WIPF1: variants seen among roughly 807,000 people sequenced by gnomAD.
The protein encoded by WIPF1 is WAS/WASL interacting protein family member 1.
Under a neutral mutation model 35.4 loss-of-function variants are expected in WIPF1, and 13 were observed. That is an observed-to-expected ratio of 0.37 (90% CI 0.24 to 0.58). WIPF1 has a LOEUF of 0.58. WIPF1 is among the 20% of genes least tolerant of loss of function. The pLI, the probability that WIPF1 is intolerant of heterozygous loss-of-function variation, is 0.74. For missense variants in WIPF1, 591 were observed against 667.0 expected (o/e 0.89, Z 1.25); for synonymous variants, 267 against 266.3 (o/e 1.00, Z -0.02).
chr2:174,634,883 G>C (rs1026046430), intron 1 of WIPF1, among the ~76,000 whole-genome samples: 1 of 152,168 alleles, frequency 6.6e-6, no homozygotes, highest in African/African-American at 2.4e-5. Flanking sequence ...TCTTGAGACT[G>C]GAGTTCAGCA....
intron 1 of WIPF1, among the ~76,000 whole-genome samples, chr2:174,666,038 T>C (rs1396518410): frequency 6.6e-6 from 1 of 152,202 alleles, no homozygotes; most frequent in Non-Finnish European, 1.5e-5. Context: ...CCTAGCACTT[T>C]GGGAGGCTGA....
At position 174,561,156 on chromosome 2, in the gene WIPF1, T is replaced by C. The variant is rs1684474167; in HGVS notation, c.*1391A>G. 6.6e-6 allele frequency: 1 copy of C among 152,658 alleles called. No homozygotes were observed. Among genetic ancestry groups the C allele is most frequent in the South Asian group, 2.1e-4 (1 of 4,828 alleles). The allele number at this position is 152,658 out of a possible 1,614,324, so 9.5% of individuals were successfully genotyped here. ...TCCCTATGGTCCTTTAGTGGAGCTA[T>C]ATTTGCATAGATCCTAGACAAATGA... On this transcript the variant is annotated 3_prime_UTR_variant, in exon 8 of 8. Transcript: ENST00000679041.
At chr2:174,670,143 C>A (rs748361741) in intron 1 of WIPF1, among the ~76,000 whole-genome samples, 2 of 152,144 alleles carry the variant, frequency 1.3e-5, no homozygotes, top group Non-Finnish European at 2.9e-5. Context: ...TCCAACCCAG[C>A]AGCCACACAG....
intron 5 of WIPF1, among the ~76,000 whole-genome samples, chr2:174,569,706 T>C (rs1212562334): frequency 6.6e-6 from 1 of 152,230 alleles, no homozygotes; most frequent in Non-Finnish European, 1.5e-5. Context: ...TATACATGCT[T>C]GTCTCATTTA....
At chr2:174,657,697 A>G (rs1687672461) in intron 1 of WIPF1, among the ~76,000 whole-genome samples, 1 of 152,158 alleles carries the variant, frequency 6.6e-6, no homozygotes, top group African/African-American at 2.4e-5. Flanking sequence ...GTTTGAGACC[A>G]GCCTGACCAA....
At chr2:174,662,951 C>T (rs1444424141) in intron 1 of WIPF1, among the ~76,000 whole-genome samples, 1 of 152,192 alleles carries the variant, frequency 6.6e-6, no homozygotes, top group African/African-American at 2.4e-5. Context: ...AGGAAAAATA[C>T]CTCCACTTTA....
intron 1 of WIPF1, among the ~76,000 whole-genome samples, chr2:174,594,078 ATTTCTCAAAATGTACTGCTCT>A (rs551447199): frequency 1.1e-3 from 173 of 152,338 alleles, no homozygotes; most frequent in Non-Finnish European, 2.1e-3. Flanking sequence ...AGAATCCCTC[ATTTCTCAAAATGTACTGCTCT>A]TTTCTCAGTC....
At chr2:174,609,699 G>C (rs1435416923) in intron 1 of WIPF1, among the ~76,000 whole-genome samples, 1 of 152,196 alleles carries the variant, frequency 6.6e-6, no homozygotes, top group Admixed American at 6.5e-5. Context: ...ATTTTGAAGA[G>C]GGCATTAGAA....
intron 1 of WIPF1, among the ~76,000 whole-genome samples, chr2:174,665,859 T>G (rs1308425462): frequency 2.0e-5 from 3 of 152,252 alleles, no homozygotes; most frequent in Admixed American, 6.5e-5. Context: ...AGATACTGCA[T>G]GCAGACACCG....
intron 1 of WIPF1, among the ~76,000 whole-genome samples, chr2:174,612,720 T>C (rs1341411665): frequency 6.6e-6 from 1 of 152,230 alleles, no homozygotes; most frequent in Admixed American, 6.5e-5. Context: ...GATAGGTTTA[T>C]TTATTGTCTT....
At chr2:174,602,321 T>C (rs1395285108), upstream of WIPF1, among the ~76,000 whole-genome samples, 2 of 152,222 alleles carry the variant, frequency 1.3e-5, no homozygotes, top group African/African-American at 4.8e-5. Flanking sequence ...TGGCCCCCAG[T>C]CAACATGGAC....
In WIPF1 at chr2:174,571,921, G is replaced by A; in HGVS notation, c.884C>T (p.Pro295Leu). The change falls in exon 5 of 8, where the codon CCT (proline) becomes CTT (leucine). Residue 295 changes from proline to leucine, a missense_variant. By Grantham distance (98) the Pro-to-Leu change is moderately conservative. Coordinates refer to ENST00000679041, the MANE Select transcript of WIPF1 (RefSeq NM_001375834.1). This position sits in a 1 kb window ranked among gnomAD's most constrained non-coding sequence, Gnocchi z 4.6. ...GGAGGCCGAAGGCCGCGGAGTGGAA[G>A]GCACTGGAGGCTTGTTGTTCTGAGG... is the stretch of plus-strand genomic sequence containing the variant. ...PPPQNNKPPV[P>L]STPRPSASSQ... 2 of 1,604,540 alleles carry A rather than the reference G, an allele frequency of 1.2e-6. No homozygotes were observed. Among genetic ancestry groups the A allele is most frequent in the Non-Finnish European group, 1.7e-6 (2 of 1,175,532 alleles).
intron 1 of WIPF1, among the ~76,000 whole-genome samples, chr2:174,668,904 C>T (rs546274590): frequency 1.3e-5 from 2 of 152,298 alleles, no homozygotes; most frequent in South Asian, 4.2e-4. Context: ...GCTGAAGCCA[C>T]GCTGCCTGGA....
chr2:174,637,636 A>C (rs1687210559), intron 1 of WIPF1, among the ~76,000 whole-genome samples: 2 of 152,250 alleles, frequency 1.3e-5, no homozygotes, highest in South Asian at 4.1e-4. Context: ...AAATACAAAA[A>C]ATGAGCCGGG....
chr2:174,585,606 A>G lies in WIPF1; in HGVS notation c.-33T>C, dbSNP rs1046064759. 1.2e-6 allele frequency: 2 copies of G among 1,607,276 alleles called. No homozygotes were observed. The highest frequency in any genetic ancestry group is 4.5e-5 in the East Asian group (2 of 44,834). ...AGTTATGCGTTCAACAGTCTTGCTG[A>G]TAAATCTGGAAAAACAAGAATGCGA... On this transcript the variant is annotated 5_prime_UTR_variant, in exon 2 of 8. Transcript: ENST00000679041.
chr2:174,638,535 A>ACC (rs1271105605), intron 1 of WIPF1, among the ~76,000 whole-genome samples: 2 of 151,584 alleles, frequency 1.3e-5, no homozygotes, highest in African/African-American at 2.4e-5. Context: ...GTACCTGTTG[A>ACC]CCCCATCTTC....
intron 1 of WIPF1, chr2:174,673,295 G>A (rs547178548): frequency 1.3e-5 from 2 of 152,336 alleles, no homozygotes; most frequent in East Asian, 1.9e-4. Context: ...TCAAGTGGTG[G>A]AGAGTTCAGG....
chr2:174,606,226 C>T (rs954296995), intron 1 of WIPF1, among the ~76,000 whole-genome samples: 3 of 152,086 alleles, frequency 2.0e-5, no homozygotes, highest in Non-Finnish European at 2.9e-5. Flanking sequence ...ATATTTTCTA[C>T]GAGCTATGTT....
intron 1 of WIPF1, among the ~76,000 whole-genome samples, chr2:174,621,862 C>T (rs1369009464): frequency 6.6e-6 from 1 of 152,170 alleles, no homozygotes; most frequent in Non-Finnish European, 1.5e-5. Flanking sequence ...CAGGACTACA[C>T]AGTAGCCTAC....
Sources: allele counts gnomAD v4.1 joint callset (sites outside exome capture counted in the v4.1 genomes callset), GRCh38; gene constraint gnomAD v4.1.1; non-coding constraint Gnocchi (gnomAD v3.1); transcripts MANE v1.5; gene names NCBI Gene and HGNC (gene_info 2026-07-23, HGNC 2026-07-21).